Variants in ECPAS observed in about 807,000 individuals in gnomAD.
ECPAS encodes proteasome adapter and scaffold protein ECM29.
ECPAS carries 70 observed loss-of-function variants against 255.1 expected under a neutral mutation model. The ratio of observed to expected loss-of-function variants is 0.27; its 90% CI spans 0.23 to 0.33. The LOEUF (loss-of-function observed/expected upper bound fraction) is 0.33, where lower values mean the gene tolerates loss of function less well. ECPAS is among the 10% of genes least tolerant of loss of function. The pLI is 1.00. For missense variants in ECPAS, 1,817 were observed against 2,206.4 expected (o/e 0.82, Z 3.54); for synonymous variants, 784 against 775.0 (o/e 1.01, Z -0.19).
chr9:111,442,081 G>C lies in ECPAS; in HGVS notation c.389+225C>G, dbSNP rs145409552. ...CTAGCCAAAAAAATGCACAGACTTAGATAAATGTTAGTTCTGCACATTTTT... is the reference window on the plus strand; with the variant it reads ...CTAGCCAAAAAAATGCACAGACTTACATAAATGTTAGTTCTGCACATTTTT... On this transcript the variant is annotated intron_variant, in intron 5 of 49. Transcript: ENST00000684092. 4.3e-4 allele frequency among the ~76,000 whole-genome samples: 66 copies of C among 152,292 alleles called. No homozygotes were observed. The East Asian group carries it at 0.013, about 29-fold the overall frequency.
rs2098112841 is a variant in ECPAS at position 111,361,098 on chromosome 9, TATAAAGTC to T, written c.*924_*931del. The stretch of plus-strand genomic sequence containing the variant: ...TAATTAAAAGGCTTTCCTTCTCCCC[TATAAAGTC>T]ATACTGGTAGCATAAAAGTGAACAG... On this transcript the variant is annotated 3_prime_UTR_variant, in exon 50 of 50. Coordinates refer to ENST00000684092, the MANE Select transcript of ECPAS (RefSeq NM_001364929.1). The T allele has an allele frequency of 6.6e-6, 1 of 152,236 alleles. No homozygotes were observed. The highest frequency in any genetic ancestry group is 6.5e-5 in the Admixed American group (1 of 15,282). The allele number at this position is 152,236 out of a possible 1,614,324, so 9.4% of individuals were successfully genotyped here. A position where few individuals can be genotyped will look rare whatever the true frequency, so the allele number is the denominator to read the frequency against.
Position 111,484,233 on chromosome 9 carries a change from G to A in ECPAS, c.-200C>T, listed in dbSNP as rs930030173. On this transcript the variant is annotated 5_prime_UTR_variant, in exon 1 of 50. Coordinates refer to ENST00000684092, the MANE Select transcript of ECPAS (RefSeq NM_001364929.1). ...GGGAGCCGCGCGCCGCAGTCCGTGA[G>A]GGGCTGGGCCGAGCGGGCCCGGGCT... The A allele has an allele frequency of 3.7e-5, 53 of 1,451,676 alleles. No homozygotes were observed. The highest frequency in any genetic ancestry group is 2.3e-4 in the African/African-American group (15 of 66,254). 89.9% of individuals were successfully genotyped at this position (1,451,676 alleles called of 1,614,324 possible).
chr9:111,374,126 C>T, intron 38 of ECPAS, 88 bp from the exon 39 acceptor site: 1 of 976,722 alleles, frequency 1.0e-6, no homozygotes, highest in Non-Finnish European at 1.6e-6. Context: ...AAAATTTAAA[C>T]ATATAAAATA....
intron 39 of ECPAS, among the ~76,000 whole-genome samples, chr9:111,373,664 A>T (rs969358171): frequency 2.6e-5 from 4 of 152,236 alleles, no homozygotes; most frequent in Admixed American, 2.0e-4. Flanking sequence ...CTAGAAGCCA[A>T]TCTAAGAAGA....
At chr9:111,401,961 T>C (rs929001645) in intron 24 of ECPAS, among the ~76,000 whole-genome samples, 1 of 152,220 alleles carries the variant, frequency 6.6e-6, no homozygotes, top group Non-Finnish European at 1.5e-5. Flanking sequence ...AAACAATTTA[T>C]ACAGTTAACA....
At chr9:111,364,875 A>T (rs956086837) in intron 48 of ECPAS, among the ~76,000 whole-genome samples, 2 of 152,292 alleles carry the variant, frequency 1.3e-5, no homozygotes, top group East Asian at 1.9e-4. Context: ...AACATCAAAC[A>T]CCAAATGAGA....
rs771629012 is a variant in ECPAS at position 111,383,136 on chromosome 9, A to C, written c.3803+75T>G. On this transcript the variant is annotated intron_variant, in intron 35 of 49. Transcript: ENST00000684092. ...AACCTCTTTCTCCATATTTTCCAGA[A>C]TCTAACCTTGAAAGAAACACAATTT... is the stretch of plus-strand genomic sequence containing the variant. 4 of 1,563,696 alleles carry C rather than the reference A, an allele frequency of 2.6e-6. No individual in the cohort carries two copies. The African/African-American group carries it at 4.0e-5, about 16-fold the overall frequency.
chr9:111,450,583 T>C (rs888309234), intron 3 of ECPAS, among the ~76,000 whole-genome samples: 8 of 152,250 alleles, frequency 5.3e-5, no homozygotes, highest in African/African-American at 1.7e-4. Flanking sequence ...ACTAATGAAA[T>C]ATTCTACAAA....
chr9:111,484,216 C>A lies in ECPAS; in HGVS notation c.-183G>T. 1 of 1,469,980 alleles carries A rather than the reference C, an allele frequency of 6.8e-7. No homozygotes were observed. The highest frequency in any genetic ancestry group is 9.0e-7 in the Non-Finnish European group (1 of 1,114,496). The allele number at this position is 1,469,980 out of a possible 1,614,324, so 91.1% of individuals were successfully genotyped here. On this transcript the variant is annotated 5_prime_UTR_variant, in exon 1 of 50. Coordinates refer to ENST00000684092, the MANE Select transcript of ECPAS (RefSeq NM_001364929.1). ...CGGCGGGCCGGGCCCCGGGGAGCCGCGCGCCGCAGTCCGTGAGGGGCTGGG... is the reference window on the plus strand; with the variant it reads ...CGGCGGGCCGGGCCCCGGGGAGCCGAGCGCCGCAGTCCGTGAGGGGCTGGG...
intron 2 of ECPAS, among the ~76,000 whole-genome samples, chr9:111,462,492 T>C (rs183242758): frequency 6.6e-6 from 1 of 152,194 alleles, no homozygotes; most frequent in Admixed American, 6.5e-5. Context: ...ATTTATGGGA[T>C]AGGGTATGTA....
In ECPAS at chr9:111,361,552, AT is replaced by A. The variant is rs1373869724; in HGVS notation, c.*477del. The A allele has an allele frequency of 6.6e-6, 1 of 152,536 alleles. No homozygotes were observed. The highest frequency in any genetic ancestry group is 2.4e-5 in the African/African-American group (1 of 41,474). The allele number at this position is 152,536 out of a possible 1,614,324, so 9.4% of individuals were successfully genotyped here. ...TAAAAGAAAGTATCCAGGGCCAGAC[AT>A]TAAACACCTGGGTTCTGACTTTGGC... On this transcript the variant is annotated 3_prime_UTR_variant, in exon 50 of 50. Coordinates refer to ENST00000684092, the MANE Select transcript of ECPAS (RefSeq NM_001364929.1).
intron 3 of ECPAS, 30 bp from the exon 4 acceptor site, chr9:111,444,524 TATTG>T (rs752137429): frequency 7.2e-7 from 1 of 1,397,302 alleles, no homozygotes; most frequent in South Asian, 1.2e-5. Context: ...GAACTAAAGT[TATTG>T]ATCATATCTT....
Position 111,386,379 on chromosome 9 carries a change from G to A in ECPAS, c.3525C>T (p.Ser1175=), listed in dbSNP as rs1226000133. The A allele has an allele frequency of 1.9e-6, 3 of 1,580,974 alleles. No individual in the cohort carries two copies. In the African/African-American group the frequency reaches 4.1e-5, roughly 21 times the overall value. The change falls in exon 32 of 50, where the codon TCC becomes TCT. Residue 1175 remains serine, a splice_region_variant and synonymous_variant. Transcript: ENST00000684092. ...ACTTATATTCCTAAAAACGGTACCT[G>A]GATTCTCGAACTCGCCACATATTGC... The part of the protein sequence containing the change: ...LTSNMWRVRE[S]SCLALNDLLR...
chr9:111,448,925 T>C (rs1049670843), intron 3 of ECPAS, among the ~76,000 whole-genome samples: 10 of 151,798 alleles, frequency 6.6e-5, no homozygotes, highest in African/African-American at 2.4e-4. Context: ...TCATTTTTGG[T>C]TCTTTTTTTT....
intron 31 of ECPAS, among the ~76,000 whole-genome samples, chr9:111,387,624 G>A (rs1421931887): frequency 6.6e-6 from 1 of 151,486 alleles, no homozygotes; most frequent in Non-Finnish European, 1.5e-5. Flanking sequence ...CATCAGTGCA[G>A]TTACTGAGAG....
rs774811716 is a variant in ECPAS, at chr9:111,412,017, A to T, written c.2211T>A (p.Asn737Lys). Residue 737 changes from asparagine to lysine, a missense_variant, in exon 21 of 50, where the codon AAT (asparagine) becomes AAA (lysine). By Grantham distance (94) the Asn-to-Lys change is moderately conservative (BLOSUM62 0). This residue lies in a region of ECPAS where 194 missense variants were observed against 152.8 expected (regional missense o/e 1.27). Transcript: ENST00000684092. The stretch of plus-strand genomic sequence containing the variant: ...GAATGAAAACAAAATAACATACGTG[A>T]TTGTCTTTTGTAGTCTTTATAAGCT... Reference protein sequence around the residue: ...IEQLIKTTKDNHSPEIQHGSL... With the variant: ...IEQLIKTTKDKHSPEIQHGSL... 5 of 1,550,706 alleles carry T rather than the reference A, an allele frequency of 3.2e-6. No individual in the cohort carries two copies. Among genetic ancestry groups the T allele is most frequent in the Non-Finnish European group, 4.3e-6 (5 of 1,158,602 alleles).
At chr9:111,473,561 T>G (rs923336832) in intron 1 of ECPAS, among the ~76,000 whole-genome samples, 3 of 152,170 alleles carry the variant, frequency 2.0e-5, no homozygotes, top group Non-Finnish European at 4.4e-5. Context: ...AATATGCCCA[T>G]TCCCACAGCT....
At chr9:111,416,014 A>G (rs1424077167) in intron 18 of ECPAS, among the ~76,000 whole-genome samples, 2 of 152,234 alleles carry the variant, frequency 1.3e-5, no homozygotes, top group Non-Finnish European at 2.9e-5. Context: ...CAAAATCCCA[A>G]TAGTAATCAC....
chr9:111,435,663 A>C (rs577503705), intron 7 of ECPAS, among the ~76,000 whole-genome samples: 179 of 150,990 alleles, frequency 1.2e-3, no homozygotes, highest in African/African-American at 4.1e-3. Context: ...CTCAATAAAG[A>C]GTAGCTTCAG....
Sources: gnomAD v4.1 joint callset for allele counts (sites outside exome capture counted in the v4.1 genomes callset) on GRCh38, gnomAD v4.1.1 for gene constraint, gnomAD v4.1.1 regional missense constraint, MANE v1.5 for transcripts, NCBI Gene and HGNC (gene_info 2026-07-23, HGNC 2026-07-21) for gene names.